The following SMARCA5 variants were observed in gnomAD, a reference collection of about 807,000 sequenced individuals.
SMARCA5 encodes SNF2 related chromatin remodeling ATPase 5, also known as SWI/SNF-related matrix-associated actin-dependent regulator of chromatin subfamily A member 5.
In SMARCA5, 18 loss-of-function variants were observed where a neutral mutation model predicts 140.4. That is an observed-to-expected ratio of 0.13 (90% CI 0.09 to 0.19). SMARCA5 has a LOEUF of 0.19. Among genes scored for constraint, SMARCA5 ranks in the 10% least tolerant of loss-of-function variants. SMARCA5 has a pLI of 1.00. For synonymous variants in SMARCA5, 449 were observed against 419.6 expected, an observed-to-expected ratio of 1.07 and a Z score of -0.86; for missense variants, 606 against 1,276.8, an observed-to-expected ratio of 0.47 and a Z score of 8.01.
At chr4:143,551,972 G>C (rs1463200192) in intron 23 of SMARCA5, among the ~76,000 whole-genome samples, 1 of 151,894 alleles carries the variant, frequency 6.6e-6, no homozygotes, top group Non-Finnish European at 1.5e-5. Flanking sequence ...ATTTTGATAA[G>C]GATTGCATTG....
chr4:143,530,799 A>C (rs1298197735), intron 9 of SMARCA5, among the ~76,000 whole-genome samples: 1 of 152,148 alleles, frequency 6.6e-6, no homozygotes, highest in Non-Finnish European at 1.5e-5. Flanking sequence ...AGAATTGCAT[A>C]ATAATTAATA....
intron 18 of SMARCA5, 121 bp downstream of exon 18, chr4:143,545,704 T>C: frequency 5.1e-6 from 4 of 777,994 alleles, no homozygotes; most frequent in Non-Finnish European, 8.6e-6. Flanking sequence ...TTTAGCCTAG[T>C]CTAGTTGTAT....
At chr4:143,518,767 T>G (rs1386651769) in intron 2 of SMARCA5, among the ~76,000 whole-genome samples, 1 of 152,144 alleles carries the variant, frequency 6.6e-6, no homozygotes, top group Non-Finnish European at 1.5e-5. Context: ...CTATCAAACT[T>G]AGAGAAAAAA....
rs1309334070 is a variant in SMARCA5 at position 143,534,967 on chromosome 4, A to G, written c.1268+3A>G. The G allele has an allele frequency of 1.3e-6, 2 of 1,580,212 alleles. No individual in the cohort carries two copies. The highest frequency in any genetic ancestry group is 1.7e-5 in the Admixed American group (1 of 59,176). ...CTCAGCAAAATGCAAAGGGAATGGT[A>G]TGTATTCTCAGATGTACTTGATAGC... On this transcript the variant is annotated splice_donor_region_variant and intron_variant, in intron 10 of 23. Coordinates refer to ENST00000283131, the MANE Select transcript of SMARCA5 (RefSeq NM_003601.4).
intron 6 of SMARCA5, among the ~76,000 whole-genome samples, chr4:143,526,898 A>G (rs1432185301): frequency 6.6e-6 from 1 of 152,106 alleles, no homozygotes; most frequent in Admixed American, 6.6e-5. Flanking sequence ...AGACATTAGA[A>G]ATGGTAGAAA....
In SMARCA5 at chr4:143,555,918, C is replaced by T. The variant is rs548902998; in HGVS notation, c.*2734C>T. ...TCAACCTCTCAAAGTGCTGGGATTA[C>T]ATGTGTAAGCCTACATTCCAAAGTG... On this transcript the variant is annotated 3_prime_UTR_variant, in exon 24 of 24. Coordinates refer to ENST00000283131, the MANE Select transcript of SMARCA5 (RefSeq NM_003601.4). 1 of 152,948 alleles carries T rather than the reference C, an allele frequency of 6.5e-6. No individual in the cohort carries two copies. Among genetic ancestry groups the T allele is most frequent in the Non-Finnish European group, 1.5e-5 (1 of 68,708 alleles). 9.5% of individuals were successfully genotyped at this position (152,948 alleles called of 1,614,324 possible). A position where few individuals can be genotyped will look rare whatever the true frequency, so the allele number is the denominator to read the frequency against.
At position 143,554,926 on chromosome 4, in the gene SMARCA5, CTG is replaced by C. The variant is rs532159202; in HGVS notation, c.*1747_*1748del. 2.5e-5 allele frequency: 9 copies of C among 358,068 alleles called. No individual in the cohort carries two copies. The highest frequency in any genetic ancestry group is 2.2e-4 in the Admixed American group (6 of 27,202). 22.2% of individuals were successfully genotyped at this position (358,068 alleles called of 1,614,324 possible). On this transcript the variant is annotated 3_prime_UTR_variant, in exon 24 of 24. Coordinates refer to ENST00000283131, the MANE Select transcript of SMARCA5 (RefSeq NM_003601.4). Reference sequence around the variant, plus strand: ...GAGAGCTTAGGGACTCAAATGGAAACTGTGTGAAGGGAAACTCACTTGAAAAA... The same window carrying C: ...GAGAGCTTAGGGACTCAAATGGAAACTGTGAAGGGAAACTCACTTGAAAAA...
rs61761959 is a variant in SMARCA5, at chr4:143,538,845, G to A, written c.1677G>A (p.Thr559=). ...CAAAGTTTGTTTTCATGTTAAGCAC[G>A]CGTGCTGGTGGTCTTGGCATCAATC... ...NSTKFVFMLS[T]RAGGLGINLA... Residue 559 remains threonine, a synonymous_variant, in exon 13 of 24, where the codon ACG becomes ACA. Coordinates refer to ENST00000283131, the MANE Select transcript of SMARCA5 (RefSeq NM_003601.4). The A allele has an allele frequency of 1.4e-4, 220 of 1,613,960 alleles. No homozygotes were observed. In the African/African-American group the frequency reaches 2.4e-3, roughly 17 times the overall value.
chr4:143,516,900 A>G (rs1318147515), intron 1 of SMARCA5, among the ~76,000 whole-genome samples: 1 of 152,216 alleles, frequency 6.6e-6, no homozygotes, highest in Non-Finnish European at 1.5e-5. Flanking sequence ...AGTTTTTGTA[A>G]TATTCCAGAA....
chr4:143,527,665 A>G (rs1351465720), intron 6 of SMARCA5, among the ~76,000 whole-genome samples: 2 of 152,176 alleles, frequency 1.3e-5, no homozygotes, highest in Middle Eastern at 3.2e-3. Flanking sequence ...GTTTTTTAAA[A>G]CTTAATGGTT....
intron 10 of SMARCA5, among the ~76,000 whole-genome samples, chr4:143,535,745 T>G (rs1405897629): frequency 5.3e-5 from 8 of 152,148 alleles, no homozygotes; most frequent in African/African-American, 2.4e-5. Flanking sequence ...TAAGCATAGA[T>G]TGCCTAGGCT....
chr4:143,552,886 G>A (rs966998920), intron 23 of SMARCA5, among the ~76,000 whole-genome samples: 3 of 151,606 alleles, frequency 2.0e-5, no homozygotes, highest in African/African-American at 7.3e-5. Context: ...TTGTGCATTA[G>A]TTTTATAACG....
chr4:143,527,632 T>G (rs1722017231), intron 6 of SMARCA5, among the ~76,000 whole-genome samples: 1 of 152,206 alleles, frequency 6.6e-6, no homozygotes, highest in East Asian at 1.9e-4. Context: ...GTCTATTGAA[T>G]TTTTCACTGG....
rs1171445309 is a variant in SMARCA5 at position 143,545,415 on chromosome 4, C to T, written c.2284-55C>T. On this transcript the variant is annotated intron_variant, in intron 17 of 23. Transcript: ENST00000283131. ...GTTTATGAAGTGAGGACTAAGGATA[C>T]ATTTAAAATGAAATTTCTTTTTTAT... 19 of 1,102,252 alleles carry T rather than the reference C, an allele frequency of 1.7e-5. No individual in the cohort carries two copies. In the Admixed American group the frequency reaches 1.9e-4, roughly 11 times the overall value. The allele number at this position is 1,102,252 out of a possible 1,614,324, so 68.3% of individuals were successfully genotyped here. A position where few individuals can be genotyped will look rare whatever the true frequency, so the allele number is the denominator to read the frequency against.
chr4:143,534,166 T>A (rs561653742), intron 9 of SMARCA5, among the ~76,000 whole-genome samples: 19 of 152,270 alleles, frequency 1.2e-4, no homozygotes, highest in African/African-American at 2.6e-4. Context: ...GTTTTTTTTT[T>A]AGACATAATG....
chr4:143,523,607 A>C (rs1560812894), intron 3 of SMARCA5, among the ~76,000 whole-genome samples: 2 of 152,196 alleles, frequency 1.3e-5, no homozygotes, highest in African/African-American at 4.8e-5. Context: ...ATATATAACA[A>C]ACAAGAAGGC....
intron 21 of SMARCA5, 133 bp from the exon 22 acceptor site, chr4:143,547,795 A>C: frequency 1.7e-6 from 1 of 573,934 alleles, no homozygotes; most frequent in Non-Finnish European, 3.1e-6. Context: ...GATTATATAA[A>C]GCAATTGAAG....
intron 22 of SMARCA5, among the ~76,000 whole-genome samples, chr4:143,548,970 G>A (rs961667979): frequency 6.6e-6 from 1 of 151,974 alleles, no homozygotes; most frequent in Non-Finnish European, 1.5e-5. Flanking sequence ...TTTGGGAAAT[G>A]TACTAAACTT....
intron 13 of SMARCA5, among the ~76,000 whole-genome samples, chr4:143,539,727 G>C (rs966791357): frequency 2.0e-5 from 3 of 151,798 alleles, no homozygotes; most frequent in Non-Finnish European, 4.4e-5. Flanking sequence ...GTAGAGATGG[G>C]GTTTCACCAT....
Sources: gnomAD v4.1 joint callset for allele counts (sites outside exome capture counted in the v4.1 genomes callset) on GRCh38, gnomAD v4.1.1 for gene constraint, MANE v1.5 for transcripts, NCBI Gene and HGNC (gene_info 2026-07-23, HGNC 2026-07-21) for gene names.